The following ATP8A2 variants were observed in gnomAD, a reference collection of about 807,000 sequenced individuals.
ATP8A2 encodes phospholipid-transporting ATPase IB.
Under a neutral mutation model 165.6 loss-of-function variants are expected in ATP8A2, and 100 were observed. That is an observed-to-expected ratio of 0.60 (90% CI 0.51 to 0.71). The LOEUF (loss-of-function observed/expected upper bound fraction) is 0.71. Ranked by LOEUF, ATP8A2 falls within the 30% of genes least tolerant of loss-of-function variation. The pLI is 0.00. For missense variants in ATP8A2, 1,227 were observed against 1,479.5 expected, an observed-to-expected ratio of 0.83 and a Z score of 2.80; for synonymous variants, 543 against 548.8, an observed-to-expected ratio of 0.99 and a Z score of 0.15.
chr13:25,984,022 C>G (rs1052612182), intron 35 of ATP8A2, among the ~76,000 whole-genome samples: 11 of 151,850 alleles, frequency 7.2e-5, no homozygotes, highest in African/African-American at 2.7e-4. Flanking sequence ...GACTTGAGGC[C>G]AGGAGTTCAA....
intron 2 of ATP8A2, among the ~76,000 whole-genome samples, chr13:25,482,121 T>C (rs1276705694): frequency 1.3e-5 from 2 of 152,160 alleles, no homozygotes; most frequent in Non-Finnish European, 2.9e-5. Context: ...TTTGGAGGTA[T>C]ATATAAATAT....
intron 1 of ATP8A2, among the ~76,000 whole-genome samples, chr13:25,419,846 T>A (rs2034247584): frequency 2.6e-5 from 4 of 152,178 alleles, no homozygotes; most frequent in Non-Finnish European, 5.9e-5. Flanking sequence ...CTCTAGGTGG[T>A]CAGGAAAGAG....
At chr13:25,819,179 T>G (rs369667369) in intron 27 of ATP8A2, among the ~76,000 whole-genome samples, 2 of 152,204 alleles carry the variant, frequency 1.3e-5, no homozygotes, top group East Asian at 3.8e-4. Flanking sequence ...ATTCTGTGCA[T>G]TGCTCTGTAA....
At chr13:25,598,538 T>C (rs2040297855) in intron 24 of ATP8A2, among the ~76,000 whole-genome samples, 1 of 152,242 alleles carries the variant, frequency 6.6e-6, no homozygotes, top group Non-Finnish European at 1.5e-5. Flanking sequence ...CAGTATTTTG[T>C]AGTTTTCAGT....
intron 33 of ATP8A2, chr13:25,871,212 A>G (rs1952669982): frequency 4.8e-6 from 2 of 416,032 alleles, no homozygotes; most frequent in South Asian, 3.5e-5. Flanking sequence ...TACACATTAC[A>G]TGCTGATTTT....
chr13:25,728,850 G>A (rs1358257931), intron 25 of ATP8A2, among the ~76,000 whole-genome samples: 2 of 152,198 alleles, frequency 1.3e-5, no homozygotes, highest in Admixed American at 1.3e-4. Context: ...GCATATAGAA[G>A]TGTGTGCCCG....
chr13:25,623,812 A>T (rs909614896), intron 24 of ATP8A2, among the ~76,000 whole-genome samples: 1 of 152,170 alleles, frequency 6.6e-6, no homozygotes, highest in Non-Finnish European at 1.5e-5. Context: ...TATCTAGATG[A>T]GCATAAATGC....
chr13:25,486,086 C>A (rs1409366592), intron 2 of ATP8A2, among the ~76,000 whole-genome samples: 1 of 152,222 alleles, frequency 6.6e-6, no homozygotes, highest in East Asian at 1.9e-4. Context: ...TGCTGACAGT[C>A]TTTTCCTGTG....
At chr13:25,662,648 C>A (rs1175738055) in intron 24 of ATP8A2, among the ~76,000 whole-genome samples, 2 of 152,132 alleles carry the variant, frequency 1.3e-5, no homozygotes, top group Non-Finnish European at 2.9e-5. Flanking sequence ...TTCATAATCA[C>A]TGGGCCTAAA....
At chr13:25,407,917 C>T (rs954030971) in intron 1 of ATP8A2, among the ~76,000 whole-genome samples, 3 of 151,984 alleles carry the variant, frequency 2.0e-5, no homozygotes, top group Admixed American at 6.6e-5. Context: ...CTCCCACCTA[C>T]GGGAGGCAAG....
chr13:25,724,781 ATGTCC>A (rs2138052239), intron 25 of ATP8A2, among the ~76,000 whole-genome samples: 1 of 152,272 alleles, frequency 6.6e-6, no homozygotes, highest in South Asian at 2.1e-4. Context: ...TGTTTTTATG[ATGTCC>A]TAGGCCCATT....
intron 34 of ATP8A2, among the ~76,000 whole-genome samples, chr13:25,965,876 C>A (rs368968897): frequency 6.6e-6 from 1 of 152,158 alleles, no homozygotes; most frequent in Non-Finnish European, 1.5e-5. Context: ...AATTTCTATA[C>A]ACAAATGGGC....
chr13:25,425,657 C>T (rs1232309136), intron 1 of ATP8A2, among the ~76,000 whole-genome samples: 1 of 151,892 alleles, frequency 6.6e-6, no homozygotes, highest in Non-Finnish European at 1.5e-5. Context: ...TCACTGCAAC[C>T]TCTGCCTCCT....
chr13:25,617,943 T>TTA (rs1034915030), intron 24 of ATP8A2, among the ~76,000 whole-genome samples: 4 of 152,156 alleles, frequency 2.6e-5, no homozygotes, highest in African/African-American at 4.8e-5. Context: ...TAGAAGCATT[T>TTA]TATATATATT....
chr13:25,549,383 C>T (rs1284831623), intron 10 of ATP8A2, among the ~76,000 whole-genome samples: 6 of 149,498 alleles, frequency 4.0e-5, no homozygotes, highest in East Asian at 4.0e-4. Flanking sequence ...TCACTTGAAC[C>T]GGGGAGGCAG....
intron 25 of ATP8A2, among the ~76,000 whole-genome samples, chr13:25,760,677 A>C (rs146754644): frequency 6.6e-6 from 1 of 152,344 alleles, no homozygotes; most frequent in African/African-American, 2.4e-5. Context: ...AAATGAGTTA[A>C]ATGAACCCTT....
intron 27 of ATP8A2, among the ~76,000 whole-genome samples, chr13:25,776,574 T>C (rs907663342): frequency 6.6e-6 from 1 of 152,204 alleles, no homozygotes; most frequent in Admixed American, 6.5e-5. Flanking sequence ...TAGTGGTTTC[T>C]CTCTTCTCTT....
At chr13:25,927,161 T>A (rs1162596411) in intron 33 of ATP8A2, 1 of 456,684 alleles carries the variant, frequency 2.2e-6, no homozygotes, top group Non-Finnish European at 4.4e-6. Flanking sequence ...TAGCTGGATA[T>A]TGCCCTCCGT....
At chr13:25,771,668 C>A (rs1361085829) in intron 26 of ATP8A2, among the ~76,000 whole-genome samples, 1 of 152,204 alleles carries the variant, frequency 6.6e-6, no homozygotes, top group East Asian at 1.9e-4. Flanking sequence ...ATCATAGTCA[C>A]TTCTGCCAAA....
Sources: allele counts gnomAD v4.1 joint callset (sites outside exome capture counted in the v4.1 genomes callset), GRCh38; gene constraint gnomAD v4.1.1; transcripts MANE v1.5; gene names NCBI Gene and HGNC (gene_info 2026-07-23, HGNC 2026-07-21).